Variants in GARNL3 observed in about 807,000 individuals in gnomAD.
GARNL3 encodes GTPase-activating Rap/Ran-GAP domain-like protein 3.
In GARNL3, 63 loss-of-function variants were observed where a neutral mutation model predicts 125.0. The ratio of observed to expected loss-of-function variants is 0.50; its 90% CI spans 0.41 to 0.62. The LOEUF is 0.62. Among genes scored for constraint, GARNL3 ranks in the 20% least tolerant of loss-of-function variants. The pLI is 0.00. For missense variants in GARNL3, 994 were observed against 1,244.0 expected, an observed-to-expected ratio of 0.80 and a Z score of 3.02; for synonymous variants, 439 against 457.5, an observed-to-expected ratio of 0.96 and a Z score of 0.52.
intron 27 of GARNL3, 33 bp downstream of exon 27, chr9:127,390,800 G>C: frequency 6.2e-7 from 1 of 1,604,284 alleles, no homozygotes. Flanking sequence ...GCTTGGGGTG[G>C]TGGACCTATG....
intron 22 of GARNL3, among the ~76,000 whole-genome samples, chr9:127,380,755 G>C (rs1246743829): frequency 1.3e-5 from 2 of 152,220 alleles, no homozygotes; most frequent in African/African-American, 4.8e-5. Flanking sequence ...AAGCAAATAA[G>C]TGGTTGACCA....
chr9:127,308,999 A>G (rs901931435), intron 2 of GARNL3, among the ~76,000 whole-genome samples: 1 of 152,204 alleles, frequency 6.6e-6, no homozygotes, highest in Non-Finnish European at 1.5e-5. Flanking sequence ...TTATTCTTGC[A>G]GCTTTTATAT....
At chr9:127,244,516 T>A (rs1313895192) in intron 2 of GARNL3, among the ~76,000 whole-genome samples, 1 of 152,130 alleles carries the variant, frequency 6.6e-6, no homozygotes, top group African/African-American at 2.4e-5. Context: ...TTCTGAGATC[T>A]AGGGTGGGAC....
At chr9:127,288,264 A>G (rs2064310432) in intron 1 of GARNL3, among the ~76,000 whole-genome samples, 1 of 152,208 alleles carries the variant, frequency 6.6e-6, no homozygotes, top group Admixed American at 6.5e-5. Context: ...ACTTTGGTAG[A>G]ACTGAAGGAT....
chr9:127,390,827 A>G, intron 27 of GARNL3, 60 bp downstream of exon 27: 1 of 1,544,524 alleles, frequency 6.5e-7, no homozygotes. Context: ...AGCACTGCCC[A>G]GGAGGCCCCT....
intron 2 of GARNL3, among the ~76,000 whole-genome samples, chr9:127,305,675 T>G (rs1326818459): frequency 6.6e-6 from 1 of 152,032 alleles, no homozygotes. Context: ...TGGGTTCAAG[T>G]GATCCTCCCA....
intron 1 of GARNL3, among the ~76,000 whole-genome samples, chr9:127,267,520 A>G (rs910559657): frequency 1.3e-5 from 2 of 152,158 alleles, no homozygotes; most frequent in East Asian, 3.8e-4. Context: ...ATAAATGATT[A>G]TCTGTGTAAA....
intron 22 of GARNL3, among the ~76,000 whole-genome samples, chr9:127,367,917 C>T (rs1831372058): frequency 6.6e-6 from 1 of 151,890 alleles, no homozygotes; most frequent in Admixed American, 6.6e-5. Flanking sequence ...AACACATTGC[C>T]TGACATGACA....
chr9:127,288,637 T>A (rs2064321089), intron 1 of GARNL3, among the ~76,000 whole-genome samples: 1 of 152,228 alleles, frequency 6.6e-6, no homozygotes, highest in Admixed American at 6.5e-5. Context: ...GCTGAATTTC[T>A]TTTTACCATC....
intron 2 of GARNL3, among the ~76,000 whole-genome samples, chr9:127,311,231 T>TG (rs1247537472): frequency 1.1e-4 from 16 of 146,100 alleles, no homozygotes; most frequent in Admixed American, 6.8e-4. Flanking sequence ...TGTATATGCA[T>TG]GGGGAAAAAA....
At chr9:127,373,097 G>C (rs1002680491) in intron 22 of GARNL3, among the ~76,000 whole-genome samples, 7 of 152,292 alleles carry the variant, frequency 4.6e-5, no homozygotes, top group African/African-American at 1.7e-4. Flanking sequence ...TACTTTCTTA[G>C]AACAAAGAGA....
chr9:127,305,288 C>T lies in GARNL3; in HGVS notation c.220-6348C>T, dbSNP rs531740404. Among the ~76,000 whole-genome samples, 6 of 152,346 alleles carry T rather than the reference C, an allele frequency of 3.9e-5. No homozygotes were observed. The South Asian group carries it at 6.2e-4, about 16-fold the overall frequency. Reference sequence around the variant, plus strand: ...ACTGTCCACTAGTACTACACATCATCGGAACCTGGAGCTTGTGTTCAGAGT... The same window carrying T: ...ACTGTCCACTAGTACTACACATCATTGGAACCTGGAGCTTGTGTTCAGAGT... On this transcript the variant is annotated intron_variant, in intron 2 of 27. Transcript: ENST00000373387.
rs948346113 is a variant in GARNL3, at chr9:127,277,150, A to G, written c.144+12129A>G. Among the ~76,000 whole-genome samples, 6 of 152,324 alleles carry G rather than the reference A, an allele frequency of 3.9e-5. No homozygotes were observed. The East Asian group carries it at 5.8e-4, about 15-fold the overall frequency. On this transcript the variant is annotated intron_variant, in intron 1 of 27. Transcript: ENST00000373387. ...TTTAAAACCCGTGTTCTGATTTGGC[A>G]TATCTGGAGTGGGCTGAGTAGTGTG...
At chr9:127,324,562 A>G (rs1011023680) in intron 6 of GARNL3, among the ~76,000 whole-genome samples, 1 of 152,244 alleles carries the variant, frequency 6.6e-6, no homozygotes, top group Non-Finnish European at 1.5e-5. Context: ...GTGTCCGCTT[A>G]TCAACCAGAA....
Position 127,384,999 on chromosome 9 carries a change from G to T in GARNL3, c.2270-28G>T. Reference sequence around the variant, plus strand: ...CTTCGCGGCCACCAAGCCAGCAGCTGGGAGGTGACACTCCCGTTCCCTTGC... The same window carrying T: ...CTTCGCGGCCACCAAGCCAGCAGCTTGGAGGTGACACTCCCGTTCCCTTGC... On this transcript the variant is annotated intron_variant, in intron 23 of 27. Transcript: ENST00000373387. The surrounding 1 kb of genome is among the most constrained non-coding windows in gnomAD (Gnocchi z 4.0). The T allele has an allele frequency of 6.9e-7, 1 of 1,449,828 alleles. No individual in the cohort carries two copies. 89.8% of individuals were successfully genotyped at this position (1,449,828 alleles called of 1,614,324 possible).
At chr9:127,237,547 A>G (rs2063134333) in intron 1 of GARNL3, among the ~76,000 whole-genome samples, 1 of 152,240 alleles carries the variant, frequency 6.6e-6, no homozygotes, top group Admixed American at 6.5e-5. Context: ...GTCATTCCAC[A>G]GTATCTGCCA....
chr9:127,341,142 A>G (rs1297181176), intron 13 of GARNL3, among the ~76,000 whole-genome samples: 1 of 152,162 alleles, frequency 6.6e-6, no homozygotes, highest in East Asian at 1.9e-4. Context: ...AACCTATACC[A>G]GGGTCCATGG....
intron 22 of GARNL3, among the ~76,000 whole-genome samples, chr9:127,382,621 A>AT (rs1000883569): frequency 2.0e-5 from 3 of 151,372 alleles, no homozygotes; most frequent in African/African-American, 7.3e-5. Context: ...CCAAAAAAAA[A>AT]TTTTTTTAAT....
At chr9:127,374,089 G>A (rs918407366) in intron 22 of GARNL3, among the ~76,000 whole-genome samples, 1 of 152,106 alleles carries the variant, frequency 6.6e-6, no homozygotes, top group Admixed American at 6.5e-5. Context: ...ATCACCTGAG[G>A]TCAGGAGTTC....
Sources: gnomAD v4.1 joint callset for allele counts (sites outside exome capture counted in the v4.1 genomes callset) on GRCh38, gnomAD v4.1.1 for gene constraint, Gnocchi (gnomAD v3.1) non-coding constraint, MANE v1.5 for transcripts, NCBI Gene and HGNC (gene_info 2026-07-23, HGNC 2026-07-21) for gene names.